APP: variants seen among roughly 807,000 people sequenced by gnomAD.
APP encodes amyloid beta precursor protein, also known as amyloid-beta precursor protein.
Under a neutral mutation model 101.4 loss-of-function variants are expected in APP, and 31 were observed. The observed-to-expected ratio is 0.31, with a 90% CI of 0.23 to 0.41. The LOEUF is 0.41. Among genes scored for constraint, APP ranks in the 10% least tolerant of loss-of-function variants. The pLI, the probability that APP is intolerant of heterozygous loss-of-function variation, is 1.00. For synonymous variants in APP, 366 were observed against 364.4 expected, an observed-to-expected ratio of 1.00 and a Z score of -0.05; for missense variants, 839 against 1,003.7, an observed-to-expected ratio of 0.84 and a Z score of 2.22.
Position 25,975,072 on chromosome 21 carries a change from G to A in APP, c.1456C>T (p.Arg486Trp), listed in dbSNP as rs201085152. 3.1e-6 allele frequency: 5 copies of A among 1,613,858 alleles called. No individual in the cohort carries two copies. The highest frequency in any genetic ancestry group is 3.3e-5 in the Admixed American group (2 of 59,994). ...AACTCGGCTGCAGCGAGACCTACCC[G>A]AGGAGGAACAGCCTGCAGAGCGGTG... is the stretch of plus-strand genomic sequence containing the variant. Reference protein sequence around the residue: ...YITALQAVPPRPRHVFNMLKK... With the variant: ...YITALQAVPPWPRHVFNMLKK... Residue 486 changes from arginine to tryptophan, a missense_variant and splice_region_variant, in exon 11 of 18, where the codon CGG (arginine) becomes TGG (tryptophan). Transcript: ENST00000346798.
Position 25,989,365 on chromosome 21 carries a change from A to G in APP, c.1091-6888T>C, listed in dbSNP as rs528210928. ...TACTAATGTGGTACTTCACATTCAT[A>G]TAAGAATGTGGGGTCAAAATTAAAG... On this transcript the variant is annotated intron_variant, in intron 8 of 17. Transcript: ENST00000346798. Among the ~76,000 whole-genome samples the G allele has an allele frequency of 2.6e-5, 4 of 152,354 alleles. No individual in the cohort carries two copies. In the South Asian group the frequency reaches 8.3e-4, roughly 32 times the overall value.
chr21:26,153,390 G>A (rs2063316912), intron 1 of APP, among the ~76,000 whole-genome samples: 1 of 152,128 alleles, frequency 6.6e-6, no homozygotes, highest in African/African-American at 2.4e-5. Flanking sequence ...TTTAAAAATG[G>A]TGGATTTTTT....
At chr21:25,954,516 T>C in intron 13 of APP, 74 bp downstream of exon 13, 2 of 1,279,632 alleles carry the variant, frequency 1.6e-6, no homozygotes, top group Non-Finnish European at 2.2e-6. Flanking sequence ...CTCAAACAGA[T>C]AACTCACTTC....
intron 1 of APP, among the ~76,000 whole-genome samples, chr21:26,131,043 A>G (rs2062783374): frequency 3.9e-5 from 6 of 152,070 alleles, no homozygotes; most frequent in Admixed American, 2.0e-4. Context: ...CAGCCTGACC[A>G]ACATGGAGAA....
Position 26,053,302 on chromosome 21 carries a change from T to C in APP, c.402A>G (p.Lys134=), listed in dbSNP as rs768518732. The C allele has an allele frequency of 4.2e-5, 68 of 1,613,724 alleles. No individual in the cohort carries two copies. The South Asian group carries it at 7.4e-4, about 17-fold the overall frequency. The change falls in exon 4 of 18, where the codon AAA becomes AAG. Residue 134 remains lysine, a synonymous_variant. Transcript: ENST00000346798. ...SDALLVPDKC[K]FLHQERMDVC... ...CATCCATCCTCTCCTGGTGTAAGAA[T>C]TTGCACTTGTCAGGAACGAGAAGGG...
rs533034598 is a variant in APP at position 26,146,334 on chromosome 21, CAGT to C, written c.57+24227_57+24229del. 5.3e-5 allele frequency among the ~76,000 whole-genome samples: 8 copies of C among 152,322 alleles called. No homozygotes were observed. In the South Asian group the frequency reaches 1.2e-3, roughly 24 times the overall value. ...CAAAGAAATATCTGTTATCAATTGACAGTAGATGAAAATGCCAATCTGGCAAGC... is the reference window on the plus strand; with the variant it reads ...CAAAGAAATATCTGTTATCAATTGACAGATGAAAATGCCAATCTGGCAAGC... On this transcript the variant is annotated intron_variant, in intron 1 of 17. Coordinates refer to ENST00000346798, the MANE Select transcript of APP (RefSeq NM_000484.4).
chr21:26,048,572 T>A (rs956456065), intron 5 of APP, among the ~76,000 whole-genome samples: 8 of 152,092 alleles, frequency 5.3e-5, no homozygotes, highest in Non-Finnish European at 1.2e-4. Context: ...TGAAAAAAAA[T>A]TTAAAATATA....
chr21:26,146,189 A>G (rs1275534504), intron 1 of APP, among the ~76,000 whole-genome samples: 1 of 152,206 alleles, frequency 6.6e-6, no homozygotes, highest in Non-Finnish European at 1.5e-5. Context: ...ACAAAAAATG[A>G]GCCAGGCGTG....
At chr21:26,093,601 G>T (rs1294471185) in intron 2 of APP, among the ~76,000 whole-genome samples, 2 of 152,226 alleles carry the variant, frequency 1.3e-5, no homozygotes, top group Non-Finnish European at 2.9e-5. Flanking sequence ...CTATTTCCAA[G>T]TAGGTAGAAT....
At chr21:25,939,585 G>A (rs1490039564) in intron 13 of APP, among the ~76,000 whole-genome samples, 1 of 152,152 alleles carries the variant, frequency 6.6e-6, no homozygotes, top group Non-Finnish European at 1.5e-5. Context: ...TCAAAATGCT[G>A]GCAGGGAAAG....
intron 5 of APP, among the ~76,000 whole-genome samples, chr21:26,048,756 CTGTAAAGACT>C (rs2045716837): frequency 6.6e-6 from 1 of 152,044 alleles, no homozygotes; most frequent in South Asian, 2.1e-4. Flanking sequence ...AGCAAGGCAC[CTGTAAAGACT>C]TGTAAAGGCT....
At position 26,048,453 on chromosome 21, in the gene APP, A is replaced by G. The variant is rs1480727164; in HGVS notation, c.662+2547T>C. ...CAAAAAAATTTCATAATGTTTTAAG[A>G]AAGTTTATGAATTTGTGTTGGTCCG... On this transcript the variant is annotated intron_variant, in intron 5 of 17. Transcript: ENST00000346798. Among the ~76,000 whole-genome samples, 4 of 152,230 alleles carry G rather than the reference A, an allele frequency of 2.6e-5. No homozygotes were observed. The South Asian group carries it at 6.2e-4, about 24-fold the overall frequency.
At chr21:25,889,250 C>T (rs2037536417) in intron 17 of APP, among the ~76,000 whole-genome samples, 2 of 152,120 alleles carry the variant, frequency 1.3e-5, no homozygotes, top group Non-Finnish European at 2.9e-5. Flanking sequence ...GACTGGTGTC[C>T]TTGTAGGAAG....
chr21:25,885,737 T>C (rs2037279180), intron 17 of APP, among the ~76,000 whole-genome samples: 1 of 152,110 alleles, frequency 6.6e-6, no homozygotes, highest in Non-Finnish European at 1.5e-5. Context: ...TGTTCTAAAA[T>C]AGCTTTGAGG....
intron 12 of APP, among the ~76,000 whole-genome samples, chr21:25,954,927 C>G (rs986303819): frequency 0.012 from 1 of 84 alleles, no homozygotes; most frequent in Admixed American, 0.12. Context: ...TATTTCTGTT[C>G]TCTAACTTTT....
At position 26,021,947 on chromosome 21, in the gene APP, T is replaced by A; in HGVS notation, c.758A>T (p.Glu253Val). ...GGGTTCCTCAGCCTCTTCCTCTACC[T>A]CATCACCATCCTCATCGTCCTCGTC... Reference protein sequence around the residue: ...DDDEDDEDGDEVEEEAEEPYE... With the variant: ...DDDEDDEDGDVVEEEAEEPYE... Residue 253 changes from glutamate to valine, a missense_variant, in exon 6 of 18, where the codon GAG (glutamate) becomes GTG (valine). Transcript: ENST00000346798. 4 of 1,613,652 alleles carry A rather than the reference T, an allele frequency of 2.5e-6. No individual in the cohort carries two copies. Among genetic ancestry groups the A allele is most frequent in the Non-Finnish European group, 3.4e-6 (4 of 1,179,738 alleles).
chr21:26,044,714 T>C (rs1359606579), intron 5 of APP, among the ~76,000 whole-genome samples: 1 of 152,100 alleles, frequency 6.6e-6, no homozygotes, highest in Non-Finnish European at 1.5e-5. Flanking sequence ...TAATTTTGTA[T>C]TTTTAGTAGG....
Position 25,969,905 on chromosome 21 carries a change from A to AGAGAAGAGGGGAGGG in APP, c.1458+5164_1458+5165insCCCTCCCCTCTTCTC, listed in dbSNP as rs1555831817. On this transcript the variant is annotated intron_variant, in intron 11 of 17. Coordinates refer to ENST00000346798, the MANE Select transcript of APP (RefSeq NM_000484.4). Reference sequence around the variant, plus strand: ...AGAAAAGAGAAGATTAGAGAAGAGAAGAGGGGAGGGGAAGAGAAAAGGAAA... The same window carrying AGAGAAGAGGGGAGGG: ...AGAAAAGAGAAGATTAGAGAAGAGAAGAGAAGAGGGGAGGGGAGGGGAGGGGAAGAGAAAAGGAAA... Among the ~76,000 whole-genome samples, 7 of 79,434 alleles carry AGAGAAGAGGGGAGGG rather than the reference A, an allele frequency of 8.8e-5. 1 individual carries two copies. The highest frequency in any genetic ancestry group is 1.6e-4 in the Non-Finnish European group (7 of 42,748). The allele number at this position is 79,434 out of a possible 152,430, so 52.1% of individuals were successfully genotyped here.
chr21:25,945,972 G>A (rs550575052), intron 13 of APP: 3 of 452,552 alleles, frequency 6.6e-6, no homozygotes, highest in Non-Finnish European at 8.9e-6. Flanking sequence ...ATGAGCCACT[G>A]CACCTGGCAA....
Sources: gnomAD v4.1 joint callset for allele counts (sites outside exome capture counted in the v4.1 genomes callset) on GRCh38, gnomAD v4.1.1 for gene constraint, MANE v1.5 for transcripts, NCBI Gene and HGNC (gene_info 2026-07-23, HGNC 2026-07-21) for gene names.